The following RAPGEF5 variants were observed in gnomAD, a reference collection of about 807,000 sequenced individuals.
RAPGEF5 encodes the protein M-Ras-regulated GEF.
A neutral mutation model predicts 125.2 loss-of-function variants in RAPGEF5; 65 were observed. The observed-to-expected ratio is 0.52, with a 90% CI of 0.43 to 0.64. The LOEUF (loss-of-function observed/expected upper bound fraction) is 0.64. RAPGEF5 is among the 30% of genes least tolerant of loss of function. The pLI, the probability that RAPGEF5 is intolerant of heterozygous loss-of-function variation, is 0.00. For synonymous variants in RAPGEF5, 391 were observed against 385.9 expected (o/e 1.01, Z -0.16); for missense variants, 958 against 1,048.1 (o/e 0.91, Z 1.19).
chr7:22,261,941 A>T (rs1782166042), intron 7 of RAPGEF5, among the ~76,000 whole-genome samples: 1 of 152,200 alleles, frequency 6.6e-6, no homozygotes, highest in East Asian at 1.9e-4. Flanking sequence ...TAAAACATAA[A>T]ACTAAAACTT....
At chr7:22,193,623 C>A (rs996025176) in intron 10 of RAPGEF5, 168 bp from the exon 11 acceptor site, 1 of 1,550,684 alleles carries the variant, frequency 6.4e-7, no homozygotes, top group African/African-American at 1.4e-5. Context: ...CTTTCCTCTC[C>A]AAATGAGGGT....
At chr7:22,255,479 G>T (rs1175889155) in intron 7 of RAPGEF5, among the ~76,000 whole-genome samples, 1 of 152,010 alleles carries the variant, frequency 6.6e-6, no homozygotes, top group Non-Finnish European at 1.5e-5. Flanking sequence ...TGTAGTCCCA[G>T]TGACTTGGGA....
chr7:22,248,759 A>G (rs1428611732), intron 7 of RAPGEF5, among the ~76,000 whole-genome samples: 1 of 152,194 alleles, frequency 6.6e-6, no homozygotes, highest in African/African-American at 2.4e-5. Flanking sequence ...CTCCGGAACT[A>G]GGAGGTAGGA....
At chr7:22,289,392 C>T (rs1782877496) in intron 6 of RAPGEF5, among the ~76,000 whole-genome samples, 1 of 152,224 alleles carries the variant, frequency 6.6e-6, no homozygotes, top group Admixed American at 6.5e-5. Flanking sequence ...TGACCTTAGG[C>T]AAGCTACTCA....
intron 1 of RAPGEF5, 165 bp downstream of exon 1, chr7:22,356,665 C>T (rs1157332838): frequency 2.4e-4 from 66 of 276,994 alleles, no homozygotes; most frequent in Middle Eastern, 1.3e-3. Flanking sequence ...GGGGTGGCAC[C>T]TCAAAACCCG....
At chr7:22,345,435 A>T (rs1784204313) in intron 1 of RAPGEF5, among the ~76,000 whole-genome samples, 1 of 152,218 alleles carries the variant, frequency 6.6e-6, no homozygotes, top group Non-Finnish European at 1.5e-5. Context: ...AGCATCCTCT[A>T]CATAACTAGG....
intron 8 of RAPGEF5, among the ~76,000 whole-genome samples, chr7:22,223,516 T>C (rs1368018192): frequency 6.6e-6 from 1 of 152,182 alleles, no homozygotes; most frequent in Non-Finnish European, 1.5e-5. Context: ...GCTTGCTTAT[T>C]TGCTTTAACA....
At chr7:22,203,675 C>G (rs905861971) in intron 9 of RAPGEF5, among the ~76,000 whole-genome samples, 1 of 152,078 alleles carries the variant, frequency 6.6e-6, no homozygotes, top group Admixed American at 6.5e-5. Flanking sequence ...TTAGAAGGCC[C>G]GAGGGAATAG....
At chr7:22,155,123 C>A (rs2128108942) in intron 16 of RAPGEF5, among the ~76,000 whole-genome samples, 1 of 152,338 alleles carries the variant, frequency 6.6e-6, no homozygotes, top group East Asian at 1.9e-4. Flanking sequence ...ATCTAAAAAT[C>A]TGTCATCTGC....
intron 14 of RAPGEF5, among the ~76,000 whole-genome samples, chr7:22,158,815 G>C (rs1338507136): frequency 6.6e-6 from 1 of 152,052 alleles, no homozygotes; most frequent in African/African-American, 2.4e-5. Context: ...TGTAGAGATG[G>C]GGGTCTCACT....
chr7:22,272,342 C>CAAAAAAAAAAAAAAAAAAAAAAAGGAA (rs1282857477), intron 6 of RAPGEF5, among the ~76,000 whole-genome samples: 1 of 35,972 alleles, frequency 2.8e-5, no homozygotes, highest in Non-Finnish European at 6.1e-5. Flanking sequence ...GACTCCGTCT[C>CAAAAAAAAAAAAAAAAAAAAAAAGGAA]AAAAAAAAAA....
At chr7:22,182,354 T>C (rs560474181) in intron 11 of RAPGEF5, among the ~76,000 whole-genome samples, 96 of 152,290 alleles carry the variant, frequency 6.3e-4, no homozygotes, top group Non-Finnish European at 1.1e-3. Context: ...CAGCTGCCGA[T>C]GTTAGAGTGA....
chr7:22,315,223 G>T (rs1171873236), intron 3 of RAPGEF5, 147 bp downstream of exon 3: 1 of 873,520 alleles, frequency 1.1e-6, no homozygotes, highest in African/African-American at 1.8e-5. Flanking sequence ...TTAATGAAAA[G>T]TCACCATCAG....
intron 7 of RAPGEF5, among the ~76,000 whole-genome samples, chr7:22,261,720 T>C (rs2128140573): frequency 6.6e-6 from 1 of 152,360 alleles, no homozygotes; most frequent in Non-Finnish European, 1.5e-5. Flanking sequence ...CAATGGAATC[T>C]GTTCAATGGA....
Position 22,357,076 on chromosome 7 carries a change from C to G in RAPGEF5, c.-16G>C. ...CCATCCTCATGCCCTGACGGCGCTG[C>G]GGCGCCGGGGGCTCCTCTCCACCGC... On this transcript the variant is annotated 5_prime_UTR_variant, in exon 1 of 26. Coordinates refer to ENST00000665637, the MANE Select transcript of RAPGEF5 (RefSeq NM_012294.5). 9.7e-7 allele frequency: 1 copy of G among 1,032,714 alleles called. No individual in the cohort carries two copies. The highest frequency in any genetic ancestry group is 1.2e-6 in the Non-Finnish European group (1 of 861,324). 64.0% of individuals were successfully genotyped at this position (1,032,714 alleles called of 1,614,324 possible).
At chr7:22,297,720 A>C (rs2128149249) in intron 5 of RAPGEF5, among the ~76,000 whole-genome samples, 1 of 152,190 alleles carries the variant, frequency 6.6e-6, no homozygotes, top group South Asian at 2.1e-4. Context: ...CTGCAAGGAG[A>C]GATGGCTTTA....
intron 1 of RAPGEF5, among the ~76,000 whole-genome samples, chr7:22,345,232 T>C (rs1583594191): frequency 6.6e-6 from 1 of 152,198 alleles, no homozygotes; most frequent in East Asian, 1.9e-4. Context: ...TCCTGACTCT[T>C]AACTTCCTCA....
At chr7:22,328,465 C>A (rs1050931870) in intron 1 of RAPGEF5, among the ~76,000 whole-genome samples, 1 of 152,180 alleles carries the variant, frequency 6.6e-6, no homozygotes, top group African/African-American at 2.4e-5. Flanking sequence ...AGTGTAACAA[C>A]CTGCCATCAC....
At chr7:22,125,225 G>A (rs1010834668) in intron 25 of RAPGEF5, 86 of 163,762 alleles carry the variant, frequency 5.3e-4, no homozygotes, top group African/African-American at 2.0e-3. Flanking sequence ...AAGGCTCCAC[G>A]CAAAGAGGTT....
Sources: allele counts gnomAD v4.1 joint callset (sites outside exome capture counted in the v4.1 genomes callset), GRCh38; gene constraint gnomAD v4.1.1; transcripts MANE v1.5; gene names NCBI Gene and HGNC (gene_info 2026-07-23, HGNC 2026-07-21).